CNBD1: variants seen among roughly 807,000 people sequenced by gnomAD.
CNBD1 encodes the protein cyclic nucleotide-binding domain-containing protein 1.
Under a neutral mutation model 54.4 loss-of-function variants are expected in CNBD1, and 71 were observed. That is an observed-to-expected ratio of 1.30 (90% CI 1.08 to 1.59). The LOEUF is 1.59. Ranked by LOEUF, CNBD1 falls within the 40% of genes most tolerant of loss-of-function variation. The pLI is 0.00. For synonymous variants in CNBD1, 182 were observed against 170.7 expected (o/e 1.07, Z -0.51); for missense variants, 659 against 518.0 (o/e 1.27, Z -2.64).
intron 2 of CNBD1, among the ~76,000 whole-genome samples, chr8:87,394,447 C>T (rs780989848): frequency 1.3e-5 from 2 of 151,776 alleles, no homozygotes; most frequent in Non-Finnish European, 2.9e-5. Context: ...TTGTTTGTCA[C>T]CATTTGCATT....
At position 87,229,840 on chromosome 8, in the gene CNBD1, A is replaced by C. The variant is rs1480112708; in HGVS notation, c.578-7079A>C. 3.9e-5 allele frequency among the ~76,000 whole-genome samples: 6 copies of C among 152,346 alleles called. No individual in the cohort carries two copies. In the South Asian group the frequency reaches 1.2e-3, roughly 32 times the overall value. ...CTCAAATAATTTTGATAGATTTATG[A>C]ATATGCCAACTATGTTAATTTAAGG... On this transcript the variant is annotated intron_variant, in intron 5 of 10. Coordinates refer to ENST00000518476, the MANE Select transcript of CNBD1 (RefSeq NM_173538.3).
At chr8:87,342,677 G>A (rs772159170) in intron 8 of CNBD1, among the ~76,000 whole-genome samples, 14 of 152,198 alleles carry the variant, frequency 9.2e-5, no homozygotes, top group East Asian at 3.9e-4. Context: ...TGGTAGGGCC[G>A]TGATGGCGAC....
chr8:86,956,094 TC>T (rs1264887501), intron 4 of CNBD1, among the ~76,000 whole-genome samples: 2 of 152,152 alleles, frequency 1.3e-5, no homozygotes, highest in African/African-American at 4.8e-5. Context: ...GGGAATCCTT[TC>T]CCCATTGCTT....
intron 4 of CNBD1, among the ~76,000 whole-genome samples, chr8:86,971,913 T>G (rs1808228281): frequency 6.6e-6 from 1 of 152,134 alleles, no homozygotes; most frequent in Non-Finnish European, 1.5e-5. Flanking sequence ...ATCTCTCACA[T>G]AGATATATTT....
intron 4 of CNBD1, among the ~76,000 whole-genome samples, chr8:87,090,118 G>T (rs1207629222): frequency 6.6e-6 from 1 of 152,110 alleles, no homozygotes; most frequent in Non-Finnish European, 1.5e-5. Context: ...TTAATATGCA[G>T]TTCATAAGTG....
intron 4 of CNBD1, among the ~76,000 whole-genome samples, chr8:86,967,179 T>TG (rs979440519): frequency 1.3e-5 from 2 of 152,072 alleles, no homozygotes; most frequent in Non-Finnish European, 2.9e-5. Context: ...AAAGTGCGTG[T>TG]GGGGGGTCCT....
chr8:87,358,529 A>G (rs1810464719), intron 10 of CNBD1, among the ~76,000 whole-genome samples: 1 of 152,018 alleles, frequency 6.6e-6, no homozygotes. Flanking sequence ...TTTTATGTAA[A>G]ACAACATTTC....
intron 3 of CNBD1, among the ~76,000 whole-genome samples, chr8:86,929,105 G>A (rs149602861): frequency 0.012 from 1,861 of 152,270 alleles, 30 homozygotes; most frequent in African/African-American, 0.042. Context: ...TGGCGTCAGC[G>A]TCTGCCCAAT....
intron 6 of CNBD1, among the ~76,000 whole-genome samples, chr8:87,265,701 T>A (rs1317562661): frequency 6.6e-6 from 1 of 152,096 alleles, no homozygotes. Flanking sequence ...CACAGCCACA[T>A]CCATTCACTA....
chr8:87,417,529 T>C (rs991888361), intron 2 of CNBD1, among the ~76,000 whole-genome samples: 1 of 151,972 alleles, frequency 6.6e-6, no homozygotes, highest in African/African-American at 2.4e-5. Flanking sequence ...GATATCCAGA[T>C]TGGAATAGAA....
At chr8:87,023,936 G>A (rs959079306) in intron 4 of CNBD1, among the ~76,000 whole-genome samples, 1 of 152,078 alleles carries the variant, frequency 6.6e-6, no homozygotes, top group Admixed American at 6.6e-5. Context: ...GACTCATTTC[G>A]TATTGAAAGA....
chr8:87,226,059 T>C (rs1390371053), intron 5 of CNBD1, among the ~76,000 whole-genome samples: 2 of 152,080 alleles, frequency 1.3e-5, no homozygotes, highest in Non-Finnish European at 2.9e-5. Context: ...TGATGGTAGT[T>C]TGTATTTCTG....
chr8:87,022,374 C>T (rs1563438202), intron 4 of CNBD1, among the ~76,000 whole-genome samples: 1 of 152,124 alleles, frequency 6.6e-6, no homozygotes, highest in Non-Finnish European at 1.5e-5. Context: ...TGGGGCCCCT[C>T]TTTGTTGTTA....
At chr8:87,061,948 T>A (rs544671655) in intron 4 of CNBD1, among the ~76,000 whole-genome samples, 38 of 152,208 alleles carry the variant, frequency 2.5e-4, no homozygotes, top group Non-Finnish European at 4.6e-4. Context: ...ATCAATGCTT[T>A]TCAGGATCTC....
chr8:86,914,514 A>G (rs1259802651), intron 3 of CNBD1, among the ~76,000 whole-genome samples: 1 of 152,250 alleles, frequency 6.6e-6, no homozygotes, highest in African/African-American at 2.4e-5. Context: ...CCAATGACAG[A>G]ATTTCCAAAT....
At chr8:87,093,334 G>A (rs1043903520) in intron 4 of CNBD1, among the ~76,000 whole-genome samples, 3 of 152,268 alleles carry the variant, frequency 2.0e-5, no homozygotes, top group Middle Eastern at 3.4e-3. Context: ...GTAGCATGGC[G>A]TTGTGTGGTG....
chr8:87,102,133 C>A (rs182551903), intron 4 of CNBD1, among the ~76,000 whole-genome samples: 1 of 151,970 alleles, frequency 6.6e-6, no homozygotes, highest in Non-Finnish European at 1.5e-5. Flanking sequence ...GTGATCTGCC[C>A]GCCTCGGCCT....
chr8:87,259,824 T>G (rs1367823996), intron 6 of CNBD1, among the ~76,000 whole-genome samples: 1 of 152,166 alleles, frequency 6.6e-6, no homozygotes, highest in Non-Finnish European at 1.5e-5. Context: ...CCGCTTTTAA[T>G]TAAGCTGAGT....
chr8:87,226,943 AT>A (rs1814513185), intron 5 of CNBD1, among the ~76,000 whole-genome samples: 1 of 151,708 alleles, frequency 6.6e-6, no homozygotes, highest in South Asian at 2.1e-4. Context: ...GTGCATATAT[AT>A]TTAGGATAGT....
Sources: allele counts gnomAD v4.1 joint callset (sites outside exome capture counted in the v4.1 genomes callset), GRCh38; gene constraint gnomAD v4.1.1; transcripts MANE v1.5; gene names NCBI Gene and HGNC (gene_info 2026-07-23, HGNC 2026-07-21).